The following HEATR5A variants were observed in gnomAD, a reference collection of about 807,000 sequenced individuals.
The protein encoded by HEATR5A is HEAT repeat containing 5A.
A neutral mutation model predicts 218.8 loss-of-function variants in HEATR5A; 178 were observed. The ratio of observed to expected loss-of-function variants is 0.81; its 90% CI spans 0.72 to 0.92. The LOEUF (loss-of-function observed/expected upper bound fraction) is 0.92. HEATR5A is among the 40% of genes least tolerant of loss of function. The pLI is 0.00. For missense variants in HEATR5A, 2,420 were observed against 2,418.9 expected, an observed-to-expected ratio of 1.00 and a Z score of -0.01; for synonymous variants, 864 against 871.6, an observed-to-expected ratio of 0.99 and a Z score of 0.15.
intron 30 of HEATR5A, among the ~76,000 whole-genome samples, chr14:31,307,464 G>C (rs1899590749): frequency 6.6e-6 from 1 of 152,106 alleles, no homozygotes; most frequent in Non-Finnish European, 1.5e-5. Flanking sequence ...AAAGACCTGG[G>C]GGGAGAACTT....
In HEATR5A at chr14:31,302,387, G is replaced by C. The variant is rs1361196371; in HGVS notation, c.5372C>G (p.Ser1791Cys). The C allele has an allele frequency of 4.4e-6, 7 of 1,603,316 alleles. No homozygotes were observed. The highest frequency in any genetic ancestry group is 2.7e-5 in the African/African-American group (2 of 74,900). ...ASLQALKGILSSPMARAEKSR... is the reference protein window; with the variant it reads ...ASLQALKGILCSPMARAEKSR... ...CTTTTCTGCCCGGGCCATGGGAGAA[G>C]ATAATATTCCTTTTAGAGCCTGTAG... The change falls in exon 33 of 36, where the codon TCT becomes TGT. Residue 1791 changes from serine (S) to cysteine (C), a missense_variant. Ser to Cys is a moderately radical substitution (Grantham distance 112, BLOSUM62 -1). Coordinates refer to ENST00000543095, the MANE Select transcript of HEATR5A (RefSeq NM_015473.4).
rs1901995714 is a variant in HEATR5A, at chr14:31,370,418, T to A, written c.1961+1392A>T. ...CAATTAAAACCATAATGAGATACCATTTTTTACCTATTGGATGGGGTAGAA... is the reference window on the plus strand; with the variant it reads ...CAATTAAAACCATAATGAGATACCAATTTTTACCTATTGGATGGGGTAGAA... On this transcript the variant is annotated intron_variant, in intron 13 of 35. Transcript: ENST00000543095. 1.3e-5 allele frequency among the ~76,000 whole-genome samples: 2 copies of A among 152,206 alleles called. 1 individual carries two copies. Among genetic ancestry groups the A allele is most frequent in the South Asian group, 4.1e-4 (2 of 4,832 alleles).
intron 20 of HEATR5A, 145 bp from the exon 21 acceptor site, chr14:31,344,210 A>G (rs1900937390): frequency 2.7e-6 from 1 of 371,962 alleles, no homozygotes; most frequent in African/African-American, 2.1e-5. Context: ...TCTGTGATGT[A>G]CAATTTCTTC....
Position 31,345,192 on chromosome 14 carries a change from TA to T in HEATR5A, c.2952del (p.Ile985LeufsTer2). ...GGCACATTTAACAACAACATTATAATAAGAGAAAGGGTAGGTTCCACATGCA... is the reference window on the plus strand; with the variant it reads ...GGCACATTTAACAACAACATTATAATAGAGAAAGGGTAGGTTCCACATGCA... ...YYVHVEPTLS[L>X]IIMLLLNVPP... On this transcript the variant is annotated frameshift_variant, in exon 20 of 36. Transcript: ENST00000543095. LOFTEE classifies it high-confidence loss of function. The T allele has an allele frequency of 1.2e-6, 2 of 1,613,644 alleles. No individual in the cohort carries two copies. The highest frequency in any genetic ancestry group is 2.7e-5 in the African/African-American group (2 of 74,998).
At chr14:31,398,984 T>C (rs1263283219) in intron 3 of HEATR5A, among the ~76,000 whole-genome samples, 1 of 152,166 alleles carries the variant, frequency 6.6e-6, no homozygotes, top group African/African-American at 2.4e-5. Context: ...TTTGGTGCTG[T>C]GTCTAAGAAA....
Position 31,349,932 on chromosome 14 carries a change from T to A in HEATR5A, c.2565A>T (p.Arg855Ser), listed in dbSNP as rs1029982469. Reference sequence around the variant, plus strand: ...CTCCCATAACTAATGTTAAGGCAAATCTTTTCATTTCTTCTGGACCTAAAC... The same window carrying A: ...CTCCCATAACTAATGTTAAGGCAAAACTTTTCATTTCTTCTGGACCTAAAC... ...KGCLGPEEMK[R>S]FALTLVMGAL... is the part of the protein sequence containing the mutation. Residue 855 changes from arginine (R) to serine (S), a missense_variant, in exon 18 of 36, where the codon AGA becomes AGT. Coordinates refer to ENST00000543095, the MANE Select transcript of HEATR5A (RefSeq NM_015473.4). 2.5e-6 allele frequency: 4 copies of A among 1,606,562 alleles called. No individual in the cohort carries two copies. The South Asian group carries it at 4.5e-5, about 18-fold the overall frequency.
chr14:31,362,799 A>G, intron 14 of HEATR5A, among the ~76,000 whole-genome samples: 1 of 150,932 alleles, frequency 6.6e-6, no homozygotes, highest in South Asian at 2.1e-4. Flanking sequence ...CAAAAAAAAG[A>G]CTTCCATTAT....
At chr14:31,301,248 A>T (rs1053510064) in intron 33 of HEATR5A, among the ~76,000 whole-genome samples, 3 of 152,016 alleles carry the variant, frequency 2.0e-5, no homozygotes, top group African/African-American at 7.2e-5. Context: ...AAAGAGAAAC[A>T]AGTTTTTTTG....
chr14:31,374,714 T>G, intron 12 of HEATR5A, 102 bp downstream of exon 12: 1 of 1,060,764 alleles, frequency 9.4e-7, no homozygotes, highest in Middle Eastern at 2.1e-4. Context: ...TAGTGGCATA[T>G]CCCCCTGCCT....
intron 22 of HEATR5A, among the ~76,000 whole-genome samples, chr14:31,331,883 G>A (rs957655718): frequency 4.6e-5 from 7 of 152,244 alleles, no homozygotes; most frequent in South Asian, 2.1e-4. Context: ...GTGGAAAACC[G>A]CTCCCATGAT....
At chr14:31,351,893 G>C (rs899693179) in intron 16 of HEATR5A, among the ~76,000 whole-genome samples, 4 of 151,988 alleles carry the variant, frequency 2.6e-5, no homozygotes, top group African/African-American at 9.7e-5. Flanking sequence ...AGGATTATAG[G>C]GGTAAACCAC....
At chr14:31,388,587 G>A (rs2030325098) in intron 7 of HEATR5A, among the ~76,000 whole-genome samples, 1 of 152,074 alleles carries the variant, frequency 6.6e-6, no homozygotes, top group Non-Finnish European at 1.5e-5. Flanking sequence ...ACAACAGCTG[G>A]AAACAAAAAA....
At chr14:31,338,245 G>A (rs2139195733) in intron 21 of HEATR5A, among the ~76,000 whole-genome samples, 1 of 152,262 alleles carries the variant, frequency 6.6e-6, no homozygotes, top group South Asian at 2.1e-4. Flanking sequence ...CTGTCAAATA[G>A]TAAATGCTCA....
rs569950805 is a variant in HEATR5A at position 31,291,879 on chromosome 14, A to G, written c.*1426T>C. 1 of 152,332 alleles carries G rather than the reference A, an allele frequency of 6.6e-6. No individual in the cohort carries two copies. The highest frequency in any genetic ancestry group is 1.9e-4 in the East Asian group (1 of 5,192). The allele number at this position is 152,332 out of a possible 1,614,324, so 9.4% of individuals were successfully genotyped here. On this transcript the variant is annotated 3_prime_UTR_variant, in exon 36 of 36. Coordinates refer to ENST00000543095, the MANE Select transcript of HEATR5A (RefSeq NM_015473.4). The stretch of plus-strand genomic sequence containing the variant: ...ATGTTTTCACTCTGAACAATTTACA[A>G]TAGTATTTATATACAAACATAATAA...
Position 31,323,627 on chromosome 14 carries a change from T to C in HEATR5A, c.3725A>G (p.Asn1242Ser). 6.2e-7 allele frequency: 1 copy of C among 1,612,670 alleles called. No individual in the cohort carries two copies. The change falls in exon 24 of 36, where the codon AAT becomes AGT. Residue 1242 changes from asparagine to serine, a missense_variant. Transcript: ENST00000543095. ...AATGTCAAAATGTGCACTGTTAGCA[T>C]TCTCACATTGGTTAATTATCCTACA... ...CVCRIINQCE[N>S]ANSAHFDIAL...
At chr14:31,387,442 C>T in intron 7 of HEATR5A, 67 bp from the exon 8 acceptor site, 1 of 1,127,618 alleles carries the variant, frequency 8.9e-7, no homozygotes, top group Non-Finnish European at 1.3e-6. Flanking sequence ...CCCCACAAAA[C>T]ATGTAGCATT....
At chr14:31,374,563 A>G (rs1488442104) in intron 12 of HEATR5A, among the ~76,000 whole-genome samples, 2 of 152,154 alleles carry the variant, frequency 1.3e-5, no homozygotes, top group Non-Finnish European at 2.9e-5. Flanking sequence ...AGACAAAACA[A>G]TGTTGGCAGT....
rs979284030 is a variant in HEATR5A at position 31,400,429 on chromosome 14, T to A, written c.210A>T (p.Lys70Asn). Residue 70 changes from lysine (K) to asparagine (N), a missense_variant, in exon 3 of 36, where the codon AAA becomes AAT. Physicochemically the swap from Lys to Asn is moderately conservative, Grantham distance 94. Coordinates refer to ENST00000543095, the MANE Select transcript of HEATR5A (RefSeq NM_015473.4). ...GTATGGCTAGATTCTTAGCAAGCAG[T>A]TTGCGGGTAGGAGGCCCTGGGGAGC... ...LNSSPGPPTR[K>N]LLAKNLAILY... The A allele has an allele frequency of 1.0e-5, 16 of 1,535,818 alleles. No individual in the cohort carries two copies. Among genetic ancestry groups the A allele is most frequent in the Non-Finnish European group, 1.4e-5 (16 of 1,146,858 alleles).
rs1463841924 is a variant in HEATR5A at position 31,378,378 on chromosome 14, T to A, written c.1708+2089A>T. On this transcript the variant is annotated intron_variant, in intron 11 of 35. Transcript: ENST00000543095. ...AATATCTTTTTTCCCCAACCACTAATAAATATAAAAACTGTTCTTAGCTCA... is the reference window on the plus strand; with the variant it reads ...AATATCTTTTTTCCCCAACCACTAAAAAATATAAAAACTGTTCTTAGCTCA... Among the ~76,000 whole-genome samples, 3 of 152,228 alleles carry A rather than the reference T, an allele frequency of 2.0e-5. No homozygotes were observed. The East Asian group carries it at 5.8e-4, about 29-fold the overall frequency.
Sources: allele counts gnomAD v4.1 joint callset (sites outside exome capture counted in the v4.1 genomes callset), GRCh38; gene constraint gnomAD v4.1.1; transcripts MANE v1.5; gene names NCBI Gene and HGNC (gene_info 2026-07-23, HGNC 2026-07-21).